The following ASTN2 variants were observed in gnomAD, a reference collection of about 807,000 sequenced individuals.
The protein encoded by ASTN2 is astrotactin 2, also known as astrotactin-2.
A neutral mutation model predicts 139.8 loss-of-function variants in ASTN2; 54 were observed. That is an observed-to-expected ratio of 0.39 (90% CI 0.31 to 0.48). The LOEUF (loss-of-function observed/expected upper bound fraction) is 0.48, where lower values mean the gene tolerates loss of function less well. Ranked by LOEUF, ASTN2 falls within the 20% of genes least tolerant of loss-of-function variation. ASTN2 has a pLI of 0.95. For missense variants in ASTN2, 1,565 were observed against 1,725.1 expected, an observed-to-expected ratio of 0.91 and a Z score of 1.64; for synonymous variants, 756 against 719.5, an observed-to-expected ratio of 1.05 and a Z score of -0.81.
At chr9:116,902,705 T>C (rs1186737404) in intron 10 of ASTN2, among the ~76,000 whole-genome samples, 1 of 152,144 alleles carries the variant, frequency 6.6e-6, no homozygotes, top group Non-Finnish European at 1.5e-5. Flanking sequence ...CATGACTGTA[T>C]ATCCTTTTGG....
intron 10 of ASTN2, among the ~76,000 whole-genome samples, chr9:116,955,618 G>C (rs746002793): frequency 2.6e-5 from 4 of 152,184 alleles, no homozygotes; most frequent in Non-Finnish European, 5.9e-5. Flanking sequence ...TTGAGGCCCT[G>C]CTAGAAGTGG....
At chr9:116,437,448 G>C (rs10983157) in intron 22 of ASTN2, 8 of 471,128 alleles carry the variant, frequency 1.7e-5, no homozygotes, top group Non-Finnish European at 3.5e-5. Flanking sequence ...GGGGAGGTTC[G>C]CAGACAGTGG....
At chr9:117,374,572 G>A (rs1830071849) in intron 1 of ASTN2, among the ~76,000 whole-genome samples, 1 of 151,974 alleles carries the variant, frequency 6.6e-6, no homozygotes, top group South Asian at 2.1e-4. Flanking sequence ...TAACTCAAAG[G>A]CAGTAAACAA....
intron 10 of ASTN2, among the ~76,000 whole-genome samples, chr9:116,946,394 T>C (rs1835395410): frequency 6.6e-6 from 1 of 152,190 alleles, no homozygotes; most frequent in Non-Finnish European, 1.5e-5. Context: ...AACAAGGGTA[T>C]GCATGTTTAT....
chr9:117,008,060 C>A, intron 7 of ASTN2, 32 bp downstream of exon 7: 2 of 1,537,622 alleles, frequency 1.3e-6, no homozygotes, highest in Non-Finnish European at 1.8e-6. Context: ...CCTCTCCCAC[C>A]TTCTATCCCC....
chr9:117,118,936 T>C (rs912955849), intron 4 of ASTN2, among the ~76,000 whole-genome samples: 3 of 152,208 alleles, frequency 2.0e-5, no homozygotes, highest in African/African-American at 7.2e-5. Context: ...CCCTGTTTTA[T>C]TTTTCTTCAT....
intron 20 of ASTN2, among the ~76,000 whole-genome samples, chr9:116,478,218 G>C (rs1321499419): frequency 3.5e-5 from 4 of 113,640 alleles, no homozygotes; most frequent in African/African-American, 1.3e-4. Context: ...GGGAGGGGTA[G>C]TGGGGGAGTA....
At chr9:117,148,905 A>G (rs1175757217) in intron 3 of ASTN2, among the ~76,000 whole-genome samples, 1 of 152,158 alleles carries the variant, frequency 6.6e-6, no homozygotes, top group Non-Finnish European at 1.5e-5. Flanking sequence ...GAGCCGCAAT[A>G]TCAACTCTTC....
intron 7 of ASTN2, among the ~76,000 whole-genome samples, chr9:116,984,768 C>G (rs936087569): frequency 2.6e-5 from 4 of 152,210 alleles, no homozygotes; most frequent in Non-Finnish European, 5.9e-5. Flanking sequence ...CTCTGCAAAT[C>G]ATTCTACCTT....
At chr9:116,686,872 C>A in intron 16 of ASTN2, 3 of 1,536,858 alleles carry the variant, frequency 2.0e-6, no homozygotes, top group Non-Finnish European at 2.6e-6. Context: ...CACTGCCCTT[C>A]CTAGGGAGTC....
intron 1 of ASTN2, among the ~76,000 whole-genome samples, chr9:117,334,479 C>T (rs1020275476): frequency 2.0e-5 from 3 of 148,168 alleles, no homozygotes; most frequent in African/African-American, 7.4e-5. Flanking sequence ...AGTGGTATAT[C>T]AGGGCTTTTT....
intron 5 of ASTN2, among the ~76,000 whole-genome samples, chr9:117,063,053 T>C (rs565276233): frequency 2.4e-4 from 37 of 152,236 alleles, no homozygotes; most frequent in Non-Finnish European, 5.1e-4. Flanking sequence ...TTCAAGTGCA[T>C]TCCAGATTAA....
chr9:117,414,827 ACAGCAGCAGCAG>A lies in ASTN2; in HGVS notation c.100_111del (p.Leu34_Leu37del). 1 of 1,190,814 alleles carries A rather than the reference ACAGCAGCAGCAG, an allele frequency of 8.4e-7. No homozygotes were observed. Among genetic ancestry groups the A allele is most frequent in the Non-Finnish European group, 1.0e-6 (1 of 959,740 alleles). The allele number at this position is 1,190,814 out of a possible 1,614,324, so 73.8% of individuals were successfully genotyped here. ...GGCGGCGGCGGCAGCAGGAGCAGGA[ACAGCAGCAGCAG>A]CGGCAGCAGTGGCGGCGGCCCCGGG... is the stretch of plus-strand genomic sequence containing the variant. On this transcript the variant is annotated inframe_deletion, in exon 1 of 23. Transcript: ENST00000313400. This position sits in a 1 kb window ranked among gnomAD's most constrained non-coding sequence, Gnocchi z 4.2.
At chr9:116,963,686 A>G (rs1455791706) in intron 10 of ASTN2, among the ~76,000 whole-genome samples, 1 of 152,076 alleles carries the variant, frequency 6.6e-6, no homozygotes, top group Non-Finnish European at 1.5e-5. Context: ...GCTTTCCTCC[A>G]TTTGCTCCTC....
chr9:116,723,039 C>T (rs746623153), intron 16 of ASTN2, among the ~76,000 whole-genome samples: 1 of 152,044 alleles, frequency 6.6e-6, no homozygotes, highest in African/African-American at 2.4e-5. Flanking sequence ...GTGGCGGGCG[C>T]CTGTAGTCCC....
chr9:117,320,857 G>T (rs1316590587), intron 1 of ASTN2, among the ~76,000 whole-genome samples: 2 of 152,106 alleles, frequency 1.3e-5, no homozygotes, highest in African/African-American at 4.8e-5. Context: ...TTTCCACTTT[G>T]CATCCCAGCC....
intron 17 of ASTN2, among the ~76,000 whole-genome samples, chr9:116,647,312 C>T (rs971476608): frequency 6.6e-6 from 1 of 152,180 alleles, no homozygotes; most frequent in African/African-American, 2.4e-5. Flanking sequence ...GGGTATAACG[C>T]AGTCTTAGCA....
intron 5 of ASTN2, among the ~76,000 whole-genome samples, chr9:117,070,110 G>A (rs373046070): frequency 5.6e-5 from 8 of 142,576 alleles, no homozygotes; most frequent in Non-Finnish European, 1.2e-4. Context: ...AGTCTCGATG[G>A]TCTTTACATT....
chr9:116,724,276 C>T (rs1364467435), intron 16 of ASTN2, among the ~76,000 whole-genome samples: 5 of 152,186 alleles, frequency 3.3e-5, no homozygotes, highest in Non-Finnish European at 5.9e-5. Context: ...TGATTTAATG[C>T]ACTTCCTTAA....
Sources: allele counts gnomAD v4.1 joint callset (sites outside exome capture counted in the v4.1 genomes callset), GRCh38; gene constraint gnomAD v4.1.1; non-coding constraint Gnocchi (gnomAD v3.1); transcripts MANE v1.5; gene names NCBI Gene and HGNC (gene_info 2026-07-23, HGNC 2026-07-21).